CDH12: variants seen among roughly 807,000 people sequenced by gnomAD.
CDH12 encodes cadherin 12.
CDH12 carries 41 observed loss-of-function variants against 74.1 expected under a neutral mutation model. That is an observed-to-expected ratio of 0.55 (90% CI 0.43 to 0.72). The LOEUF (loss-of-function observed/expected upper bound fraction) is 0.72. CDH12 is among the 30% of genes least tolerant of loss of function. The probability of loss-of-function intolerance (pLI) is 0.00; values close to 1 mark genes in which losing one functional copy is unlikely to be tolerated. For synonymous variants in CDH12, 399 were observed against 355.0 expected, an observed-to-expected ratio of 1.12 and a Z score of -1.39; for missense variants, 945 against 977.2, an observed-to-expected ratio of 0.97 and a Z score of 0.44.
At chr5:22,047,365 GT>G (rs1740025859) in intron 5 of CDH12, among the ~76,000 whole-genome samples, 1 of 151,616 alleles carries the variant, frequency 6.6e-6, no homozygotes, top group African/African-American at 2.4e-5. Context: ...GTTTAATTTT[GT>G]TTTTGCTACC....
chr5:21,769,500 T>C (rs1340096876), intron 11 of CDH12, among the ~76,000 whole-genome samples: 3 of 152,160 alleles, frequency 2.0e-5, no homozygotes, highest in Non-Finnish European at 4.4e-5. Flanking sequence ...TACCCTTCTA[T>C]ACTCAAAGGA....
chr5:22,708,590 C>T (rs1422018183), intron 1 of CDH12, among the ~76,000 whole-genome samples: 2 of 152,060 alleles, frequency 1.3e-5, no homozygotes, highest in Non-Finnish European at 2.9e-5. Context: ...AATTTTCAAA[C>T]AAGTGTAGTT....
chr5:22,030,189 C>T (rs1213031846), intron 5 of CDH12, among the ~76,000 whole-genome samples: 1 of 151,940 alleles, frequency 6.6e-6, no homozygotes, highest in South Asian at 2.1e-4. Context: ...GGGTGCAACA[C>T]ACCAGCATGG....
At chr5:22,443,923 C>T (rs772513710) in intron 2 of CDH12, among the ~76,000 whole-genome samples, 1 of 151,720 alleles carries the variant, frequency 6.6e-6, no homozygotes, top group Non-Finnish European at 1.5e-5. Flanking sequence ...CATGTGTTTG[C>T]ATAATTTTAA....
intron 1 of CDH12, among the ~76,000 whole-genome samples, chr5:22,721,610 G>C (rs1005014976): frequency 6.6e-6 from 1 of 152,090 alleles, no homozygotes; most frequent in African/African-American, 2.4e-5. Flanking sequence ...GGCATGATTG[G>C]TTTTGAAATG....
intron 6 of CDH12, among the ~76,000 whole-genome samples, chr5:21,856,616 G>C (rs1003503390): frequency 2.6e-5 from 4 of 151,566 alleles, no homozygotes; most frequent in South Asian, 2.1e-4. Context: ...TCACATTTTT[G>C]TTTTTAATGT....
At chr5:22,110,629 T>C (rs138583740) in intron 4 of CDH12, among the ~76,000 whole-genome samples, 224 of 152,194 alleles carry the variant, frequency 1.5e-3, no homozygotes, top group Middle Eastern at 6.8e-3. Context: ...GTGTCATACA[T>C]GCAAAATACC....
intron 2 of CDH12, among the ~76,000 whole-genome samples, chr5:22,430,920 A>G (rs1002366925): frequency 1.3e-5 from 2 of 152,172 alleles, no homozygotes; most frequent in Non-Finnish European, 2.9e-5. Context: ...TTTTACTTCA[A>G]GTAAGCTAGA....
At chr5:22,717,255 A>G (rs1239514064) in intron 1 of CDH12, among the ~76,000 whole-genome samples, 1 of 151,936 alleles carries the variant, frequency 6.6e-6, no homozygotes, top group African/African-American at 2.4e-5. Context: ...TTTTTTTTTA[A>G]TCTTTTACCT....
intron 6 of CDH12, among the ~76,000 whole-genome samples, chr5:21,936,139 T>A (rs1338737349): frequency 6.6e-6 from 1 of 152,126 alleles, no homozygotes; most frequent in African/African-American, 2.4e-5. Context: ...ATATGATAGC[T>A]CAATTTTTGC....
rs187951516 is a variant in CDH12 at position 22,596,283 on chromosome 5, C to A, written c.-522-90919G>T. On this transcript the variant is annotated intron_variant, in intron 1 of 14. Transcript: ENST00000382254. ...GGAAACCCCATCTCTACGAAAAATA[C>A]AAAAAAAATTAGCTGGGTGTGGTGG... Among the ~76,000 whole-genome samples the A allele has an allele frequency of 7.4e-3, 1,098 of 149,200 alleles. 7 individuals carry two copies. The highest frequency in any genetic ancestry group is 0.011 in the Non-Finnish European group (709 of 67,268).
intron 1 of CDH12, among the ~76,000 whole-genome samples, chr5:22,542,624 G>C (rs1738156903): frequency 6.6e-6 from 1 of 152,040 alleles, no homozygotes; most frequent in Admixed American, 6.6e-5. Flanking sequence ...ATCACCCTTT[G>C]GCTGCAGTGG....
chr5:22,455,198 T>C (rs1745215355), intron 2 of CDH12, among the ~76,000 whole-genome samples: 1 of 152,196 alleles, frequency 6.6e-6, no homozygotes, highest in South Asian at 2.1e-4. Context: ...AGTAATATCG[T>C]CATTGCTGTT....
At chr5:22,293,912 T>C (rs1378737784) in intron 3 of CDH12, among the ~76,000 whole-genome samples, 1 of 151,934 alleles carries the variant, frequency 6.6e-6, no homozygotes, top group Non-Finnish European at 1.5e-5. Context: ...GCTCAAGAGA[T>C]CTGAGTAGAA....
chr5:22,037,949 A>C lies in CDH12; in HGVS notation c.231+40497T>G, dbSNP rs563916150. Among the ~76,000 whole-genome samples the C allele has an allele frequency of 2.0e-5, 3 of 152,230 alleles. No homozygotes were observed. In the East Asian group the frequency reaches 5.8e-4, roughly 30 times the overall value. ...ACTCCTTCTTGGGAAAAACAAAGCA[A>C]GAAAATCCCAGCAGTCCCCATCAAC... On this transcript the variant is annotated intron_variant, in intron 5 of 14. Transcript: ENST00000382254.
intron 1 of CDH12, among the ~76,000 whole-genome samples, chr5:22,838,017 G>A (rs183904896): frequency 1.1e-3 from 160 of 152,256 alleles, no homozygotes; most frequent in Non-Finnish European, 2.4e-4. Context: ...ACAATTTGAA[G>A]GCAGAAGTGA....
intron 5 of CDH12, among the ~76,000 whole-genome samples, chr5:22,045,612 A>AAC: frequency 6.6e-6 from 1 of 151,866 alleles, no homozygotes; most frequent in South Asian, 2.1e-4. Flanking sequence ...CAAAAAAAAA[A>AAC]AAAAACAATA....
intron 3 of CDH12, among the ~76,000 whole-genome samples, chr5:22,279,423 C>T (rs139629254): frequency 0.025 from 3,838 of 152,130 alleles, 67 homozygotes; most frequent in African/African-American, 0.052. Flanking sequence ...ATGTGCACAA[C>T]GTGCAGGTTT....
At chr5:21,880,443 C>CTTCTTTCCTTCCTTCCTTCT (rs1752182043) in intron 6 of CDH12, among the ~76,000 whole-genome samples, 1 of 149,978 alleles carries the variant, frequency 6.7e-6, no homozygotes, top group African/African-American at 2.4e-5. Flanking sequence ...CTTTTCCTTC[C>CTTCTTTCCTTCCTTCCTTCT]TTCTTTCCTT....
Sources: gnomAD v4.1 joint callset for allele counts (sites outside exome capture counted in the v4.1 genomes callset) on GRCh38, gnomAD v4.1.1 for gene constraint, MANE v1.5 for transcripts, NCBI Gene and HGNC (gene_info 2026-07-23, HGNC 2026-07-21) for gene names.